The following TET1 variants were observed in gnomAD, a reference collection of about 807,000 sequenced individuals.
TET1 encodes the protein methylcytosine dioxygenase TET1.
A neutral mutation model predicts 148.7 loss-of-function variants in TET1; 13 were observed. That is an observed-to-expected ratio of 0.09 (90% CI 0.06 to 0.14). The LOEUF (loss-of-function observed/expected upper bound fraction) is 0.14. TET1 is among the 10% of genes least tolerant of loss of function. TET1 has a pLI of 1.00. For missense variants in TET1, 2,182 were observed against 2,553.8 expected (o/e 0.85, Z 3.14); for synonymous variants, 907 against 937.2 (o/e 0.97, Z 0.59).
chr10:68,577,157 G>A (rs564136807), intron 2 of TET1, among the ~76,000 whole-genome samples: 16 of 152,168 alleles, frequency 1.1e-4, no homozygotes, highest in African/African-American at 3.4e-4. Context: ...CGATCCACCC[G>A]CCTTGGCCTC....
chr10:68,561,348 C>A (rs574864618), intron 1 of TET1, among the ~76,000 whole-genome samples: 2 of 152,092 alleles, frequency 1.3e-5, no homozygotes, highest in South Asian at 4.2e-4. Context: ...AGGGATGAAA[C>A]GTTTGGAGTG....
intron 3 of TET1, among the ~76,000 whole-genome samples, chr10:68,630,484 T>G (rs1352864039): frequency 6.6e-6 from 1 of 152,122 alleles, no homozygotes; most frequent in Non-Finnish European, 1.5e-5. Context: ...CCAGCTCATT[T>G]TTGTATTATT....
chr10:68,657,968 A>G (rs763788200), intron 6 of TET1, among the ~76,000 whole-genome samples: 3 of 152,154 alleles, frequency 2.0e-5, no homozygotes, highest in Admixed American at 6.6e-5. Context: ...TGAGGGAGGA[A>G]ATGAAGGTCA....
chr10:68,628,089 G>C (rs1343249025), intron 3 of TET1, among the ~76,000 whole-genome samples: 1 of 152,006 alleles, frequency 6.6e-6, no homozygotes, highest in African/African-American at 2.4e-5. Context: ...TGGGATTATA[G>C]GCACCCACCA....
At position 68,691,959 on chromosome 10, in the gene TET1, G is replaced by A; in HGVS notation, c.*145G>A. On this transcript the variant is annotated 3_prime_UTR_variant, in exon 12 of 12. Coordinates refer to ENST00000373644, the MANE Select transcript of TET1 (RefSeq NM_030625.3). The surrounding 1 kb of genome is among the most constrained non-coding windows in gnomAD (Gnocchi z 4.4). ...AAAAATAATAATGATAACAAAACGG[G>A]GTGGGTATTCTTAACTGTGACTATA... 2.0e-6 allele frequency: 2 copies of A among 985,006 alleles called. No homozygotes were observed. The highest frequency in any genetic ancestry group is 2.9e-6 in the Non-Finnish European group (2 of 684,992). 61.0% of individuals were successfully genotyped at this position (985,006 alleles called of 1,614,324 possible). A position where few individuals can be genotyped will look rare whatever the true frequency, so the allele number is the denominator to read the frequency against.
At chr10:68,689,778 CA>C (rs11439812) in intron 11 of TET1, among the ~76,000 whole-genome samples, 26 of 145,954 alleles carry the variant, frequency 1.8e-4, no homozygotes, top group African/African-American at 3.1e-4. Flanking sequence ...GACTCCATCT[CA>C]AAAAAAAAAA....
Position 68,691,222 on chromosome 10 carries a change from A to G in TET1, c.5819A>G (p.Asn1940Ser). 6.2e-7 allele frequency: 1 copy of G among 1,614,018 alleles called. No individual in the cohort carries two copies. The highest frequency in any genetic ancestry group is 1.1e-5 in the South Asian group (1 of 91,072). Reference protein sequence around the residue: ...VTEPLTPHQPNHQPSFLTSPQ... With the variant: ...VTEPLTPHQPSHQPSFLTSPQ... ...GAGCCGCTAACGCCTCATCAGCCAA[A>G]CCACCAGCCCTCCTTCCTCACCTCT... is the stretch of plus-strand genomic sequence containing the variant. The change falls in exon 12 of 12, where the codon AAC (asparagine) becomes AGC (serine). Residue 1940 changes from asparagine to serine, a missense_variant. Coordinates refer to ENST00000373644, the MANE Select transcript of TET1 (RefSeq NM_030625.3). The surrounding 1 kb of genome is among the most constrained non-coding windows in gnomAD (Gnocchi z 4.4).
intron 6 of TET1, among the ~76,000 whole-genome samples, chr10:68,655,412 T>G (rs1479898576): frequency 1.3e-5 from 2 of 152,218 alleles, no homozygotes; most frequent in African/African-American, 4.8e-5. Context: ...CTGATAGTTG[T>G]TACCAATTTA....
chr10:68,572,177 G>A (rs2133683632), intron 1 of TET1, 40 bp from the exon 2 acceptor site: 1 of 603,144 alleles, frequency 1.7e-6, no homozygotes, highest in Non-Finnish European at 2.9e-6. Flanking sequence ...GGAATGCATA[G>A]GAAAAAGACT....
At chr10:68,632,146 C>T (rs1432193174) in intron 3 of TET1, among the ~76,000 whole-genome samples, 1 of 151,824 alleles carries the variant, frequency 6.6e-6, no homozygotes, top group African/African-American at 2.4e-5. Flanking sequence ...ATGGTGAAAC[C>T]CTGTCTCTAC....
intron 4 of TET1, among the ~76,000 whole-genome samples, chr10:68,647,944 G>T (rs992181454): frequency 6.6e-6 from 1 of 152,182 alleles, no homozygotes; most frequent in Admixed American, 6.5e-5. Flanking sequence ...AATACAAAGT[G>T]TACTTATGTA....
At position 68,573,226 on chromosome 10, in the gene TET1, C is replaced by G. The variant is rs1459093444; in HGVS notation, c.888C>G (p.Cys296Trp). Reference protein sequence around the residue: ...YLDPIKSEHDCYPTSSLNKVI... With the variant: ...YLDPIKSEHDWYPTSSLNKVI... ...ATCCCATTAAAAGTGAACATGATTGCTACCCCACCTCCAGTCTTAATAAGG... is the reference window on the plus strand; with the variant it reads ...ATCCCATTAAAAGTGAACATGATTGGTACCCCACCTCCAGTCTTAATAAGG... Residue 296 changes from cysteine (C) to tryptophan (W), a missense_variant, in exon 2 of 12, where the codon TGC becomes TGG. Physicochemically the swap from Cys to Trp is radical, Grantham distance 215. This residue lies in a region of TET1 where 665 missense variants were observed against 672.4 expected (regional missense o/e 0.99). Transcript: ENST00000373644. 1 of 1,614,062 alleles carries G rather than the reference C, an allele frequency of 6.2e-7. No individual in the cohort carries two copies. The highest frequency in any genetic ancestry group is 1.7e-5 in the Admixed American group (1 of 59,996).
intron 11 of TET1, among the ~76,000 whole-genome samples, chr10:68,688,328 C>A (rs954206468): frequency 2.6e-5 from 4 of 151,828 alleles, no homozygotes; most frequent in African/African-American, 9.7e-5. Flanking sequence ...AAACTCCTGA[C>A]CTCAAGTGAT....
chr10:68,638,945 G>A (rs1221830976), intron 3 of TET1, among the ~76,000 whole-genome samples: 4 of 151,972 alleles, frequency 2.6e-5, no homozygotes, highest in African/African-American at 4.8e-5. Context: ...TGGAGAGGGC[G>A]TAGGAACTAC....
chr10:68,667,331 C>A, intron 7 of TET1, 75 bp downstream of exon 7: 2 of 1,213,372 alleles, frequency 1.6e-6, no homozygotes, highest in Non-Finnish European at 2.3e-6. Flanking sequence ...AATTAGCTAC[C>A]AACTATGTAT....
intron 3 of TET1, among the ~76,000 whole-genome samples, chr10:68,638,331 T>C (rs1009324934): frequency 6.6e-6 from 1 of 152,180 alleles, no homozygotes; most frequent in Non-Finnish European, 1.5e-5. Context: ...GACAAATACT[T>C]TGTGGTCTGC....
In TET1 at chr10:68,573,494, G is replaced by A; in HGVS notation, c.1156G>A (p.Gly386Ser). 3 of 1,614,160 alleles carry A rather than the reference G, an allele frequency of 1.9e-6. No individual in the cohort carries two copies. Among genetic ancestry groups the A allele is most frequent in the Non-Finnish European group, 1.7e-6 (2 of 1,180,034 alleles). Residue 386 changes from glycine (G) to serine (S), a missense_variant, in exon 2 of 12, where the codon GGT (glycine) becomes AGT (serine). Physicochemically the swap from Gly to Ser is moderately conservative, Grantham distance 56 (BLOSUM62 0). Transcript: ENST00000373644. ...WELPGADPVH[G>S]EALGETPDLP... ...ACTTCCTGGTGCTGACCCAGTTCAT[G>A]GTGAGGCCCTGGGTGAGACCCCAGA...
chr10:68,610,524 G>A (rs2054192068), intron 3 of TET1, among the ~76,000 whole-genome samples: 2 of 150,920 alleles, frequency 1.3e-5, no homozygotes, highest in African/African-American at 4.9e-5. Flanking sequence ...CCAGGGGGCG[G>A]AGGTTGCAGT....
intron 3 of TET1, among the ~76,000 whole-genome samples, chr10:68,614,786 G>T (rs1281649309): frequency 6.6e-6 from 1 of 152,008 alleles, no homozygotes; most frequent in Non-Finnish European, 1.5e-5. Context: ...TAGAGACAGG[G>T]TTTTTTCATG....
Sources: allele counts gnomAD v4.1 joint callset (sites outside exome capture counted in the v4.1 genomes callset), GRCh38; gene constraint gnomAD v4.1.1; regional missense constraint gnomAD v4.1.1; non-coding constraint Gnocchi (gnomAD v3.1); transcripts MANE v1.5; gene names NCBI Gene and HGNC (gene_info 2026-07-23, HGNC 2026-07-21).